ASXL2: variants seen among roughly 807,000 people sequenced by gnomAD.
ASXL2 encodes the protein putative Polycomb group protein ASXL2.
In ASXL2, 23 loss-of-function variants were observed where a neutral mutation model predicts 122.0. The ratio of observed to expected loss-of-function variants is 0.19; its 90% CI spans 0.14 to 0.27. The LOEUF is 0.27. ASXL2 is among the 10% of genes least tolerant of loss of function. The pLI is 1.00. For synonymous variants in ASXL2, 650 were observed against 637.0 expected (o/e 1.02, Z -0.31); for missense variants, 1,518 against 1,713.8 (o/e 0.89, Z 2.02).
At position 25,771,062 on chromosome 2, in the gene ASXL2, CCT is replaced by C. The variant is rs578048261; in HGVS notation, c.504+376_504+377del. Among the ~76,000 whole-genome samples, 7 of 152,098 alleles carry C rather than the reference CCT, an allele frequency of 4.6e-5. No homozygotes were observed. The South Asian group carries it at 1.5e-3, about 32-fold the overall frequency. Reference sequence around the variant, plus strand: ...ACCATCCTGGCCAACATGGTGAAACCCTGTCTCTACTAAAAATACAAAAATTA... The same window carrying C: ...ACCATCCTGGCCAACATGGTGAAACCGTCTCTACTAAAAATACAAAAATTA... On this transcript the variant is annotated intron_variant, in intron 6 of 12. Transcript: ENST00000435504.
At chr2:25,747,618 G>A (rs560530139) in intron 12 of ASXL2, among the ~76,000 whole-genome samples, 4 of 152,268 alleles carry the variant, frequency 2.6e-5, no homozygotes, top group Non-Finnish European at 5.9e-5. Context: ...ATGTAACCCA[G>A]CCTGTTTACA....
Position 25,741,014 on chromosome 2 carries a change from C to T in ASXL2, c.*1015G>A, listed in dbSNP as rs773706646. On this transcript the variant is annotated 3_prime_UTR_variant, in exon 13 of 13. Coordinates refer to ENST00000435504, the MANE Select transcript of ASXL2 (RefSeq NM_018263.6). ...TTGGGAGAGAAGAGGAAAAGAGAAGCGACCTTGTTCTAGTGTCAAAACTGT... is the reference window on the plus strand; with the variant it reads ...TTGGGAGAGAAGAGGAAAAGAGAAGTGACCTTGTTCTAGTGTCAAAACTGT... 3.6e-5 allele frequency: 7 copies of T among 192,482 alleles called. No individual in the cohort carries two copies. Among genetic ancestry groups the T allele is most frequent in the Non-Finnish European group, 6.5e-5 (6 of 92,282 alleles). 11.9% of individuals were successfully genotyped at this position (192,482 alleles called of 1,614,324 possible).
intron 3 of ASXL2, among the ~76,000 whole-genome samples, chr2:25,829,578 A>G (rs938074857): frequency 1.4e-4 from 21 of 152,220 alleles, no homozygotes; most frequent in Admixed American, 1.3e-3. Flanking sequence ...ACTTTGAACC[A>G]GAGTTACCAG....
At position 25,742,360 on chromosome 2, in the gene ASXL2, C is replaced by G; in HGVS notation, c.3977G>C (p.Ser1326Thr). Reference protein sequence around the residue: ...LYGSPTQIGPSYRGMINVSTS... With the variant: ...LYGSPTQIGPTYRGMINVSTS... ...GGAGACATTGATCATGCCTCTATAG[C>G]TTGGCCCTATCTGGGTGGGGCTTCC... Residue 1326 changes from serine to threonine, a missense_variant, in exon 13 of 13, where the codon AGC becomes ACC. Physicochemically the swap from Ser to Thr is moderately conservative, Grantham distance 58 (BLOSUM62 1). Around this residue, in one of 8 missense-constraint regions of ASXL2, gnomAD observed 831 missense variants for 833.1 expected, o/e 1.00. Coordinates refer to ENST00000435504, the MANE Select transcript of ASXL2 (RefSeq NM_018263.6). 6.7e-7 allele frequency: 1 copy of G among 1,483,030 alleles called. No individual in the cohort carries two copies. The highest frequency in any genetic ancestry group is 9.1e-7 in the Non-Finnish European group (1 of 1,104,906). The allele number at this position is 1,483,030 out of a possible 1,614,324, so 91.9% of individuals were successfully genotyped here. A position where few individuals can be genotyped will look rare whatever the true frequency, so the allele number is the denominator to read the frequency against.
intron 9 of ASXL2, among the ~76,000 whole-genome samples, chr2:25,756,969 C>T (rs1192995315): frequency 6.6e-6 from 1 of 152,176 alleles, no homozygotes; most frequent in Admixed American, 6.5e-5. Context: ...AGTTACTCCA[C>T]TATAAGCCAA....
At chr2:25,752,942 C>T (rs2088070322) in intron 11 of ASXL2, among the ~76,000 whole-genome samples, 1 of 150,278 alleles carries the variant, frequency 6.7e-6, no homozygotes, top group Non-Finnish European at 1.5e-5. Context: ...AAGAAAGGGA[C>T]TCTTAATTCA....
intron 3 of ASXL2, among the ~76,000 whole-genome samples, chr2:25,826,762 T>TTA (rs376835935): frequency 7.3e-5 from 5 of 68,092 alleles, no homozygotes; most frequent in African/African-American, 2.3e-4. Flanking sequence ...ACTTTCAAGG[T>TTA]AAAAAAAAAA....
Position 25,845,462 on chromosome 2 carries a change from A to G in ASXL2, c.140+19T>C. On this transcript the variant is annotated intron_variant, in intron 2 of 12. Transcript: ENST00000435504. ...GATCAAGTATTATAATTATTACTAAAAATATTTAAATAACTCACCTGATTT... is the reference window on the plus strand; with the variant it reads ...GATCAAGTATTATAATTATTACTAAGAATATTTAAATAACTCACCTGATTT... The G allele has an allele frequency of 7.1e-7, 1 of 1,399,024 alleles. No homozygotes were observed. Among genetic ancestry groups the G allele is most frequent in the Admixed American group, 2.7e-5 (1 of 36,938 alleles). 86.7% of individuals were successfully genotyped at this position (1,399,024 alleles called of 1,614,324 possible).
rs986161980 is a variant in ASXL2, at chr2:25,744,293, C to T, written c.2044G>A (p.Ala682Thr). Residue 682 changes from alanine to threonine, a missense_variant, in exon 13 of 13, where the codon GCA (alanine) becomes ACA (threonine). Coordinates refer to ENST00000435504, the MANE Select transcript of ASXL2 (RefSeq NM_018263.6). The surrounding 1 kb of genome is among the most constrained non-coding windows in gnomAD (Gnocchi z 4.7). Reference sequence around the variant, plus strand: ...ATGGTCCCTCCAACTGAGGCGGCTGCAGCAGCTGCGGCGGCAGCGGCAGCT... The same window carrying T: ...ATGGTCCCTCCAACTGAGGCGGCTGTAGCAGCTGCGGCGGCAGCGGCAGCT... ...AAAAAAAAAA[A>T]AASVGGTIPG... 11 of 1,611,272 alleles carry T rather than the reference C, an allele frequency of 6.8e-6. No individual in the cohort carries two copies. In the Middle Eastern group the frequency reaches 6.6e-4, roughly 97 times the overall value.
Position 25,744,410 on chromosome 2 carries a change from GAA to G in ASXL2, c.1925_1926del (p.Phe642SerfsTer6). The G allele has an allele frequency of 6.2e-7, 1 of 1,613,690 alleles. No individual in the cohort carries two copies. Among genetic ancestry groups the G allele is most frequent in the Non-Finnish European group, 8.5e-7 (1 of 1,179,840 alleles). On this transcript the variant is annotated frameshift_variant, in exon 13 of 13. Transcript: ENST00000435504. LOFTEE classifies it high-confidence loss of function. The surrounding 1 kb of genome is among the most constrained non-coding windows in gnomAD (Gnocchi z 4.7). ...HPSQVSPRARFPVSITSPNRT... is the reference protein window; with the variant it reads ...HPSQVSPRARXPVSITSPNRT... The stretch of plus-strand genomic sequence containing the variant: ...CTGTTAGGACTAGTGATGGAGACTG[GAA>G]AACGAGCCCTGGGAGAGACCTGCGA...
At chr2:25,746,718 C>A (rs546531441) in intron 12 of ASXL2, among the ~76,000 whole-genome samples, 1 of 152,192 alleles carries the variant, frequency 6.6e-6, no homozygotes, top group Admixed American at 6.5e-5. Context: ...TGAAAGGTTT[C>A]GATACCTAAA....
In ASXL2 at chr2:25,841,729, C is replaced by T. The variant is rs139970148; in HGVS notation, c.140+3752G>A. 8.9e-3 allele frequency among the ~76,000 whole-genome samples: 1,355 copies of T among 151,988 alleles called. 19 individuals carry two copies. Among genetic ancestry groups the T allele is most frequent in the Non-Finnish European group, 0.013 (882 of 67,998 alleles). On this transcript the variant is annotated intron_variant, in intron 2 of 12. Coordinates refer to ENST00000435504, the MANE Select transcript of ASXL2 (RefSeq NM_018263.6). Reference sequence around the variant, plus strand: ...TTGGGAGACCGAGGAGGGTGGATCACGAGGTCAGGAGATCGAGACCATCCT... The same window carrying T: ...TTGGGAGACCGAGGAGGGTGGATCATGAGGTCAGGAGATCGAGACCATCCT...
chr2:25,785,036 G>C (rs566707836), intron 5 of ASXL2, among the ~76,000 whole-genome samples: 1 of 152,264 alleles, frequency 6.6e-6, no homozygotes, highest in South Asian at 2.1e-4. Flanking sequence ...TTTTCCCCAA[G>C]TCAAGGAATT....
chr2:25,787,464 A>AT (rs1422340683), intron 5 of ASXL2, among the ~76,000 whole-genome samples: 1 of 152,206 alleles, frequency 6.6e-6, no homozygotes, highest in East Asian at 1.9e-4. Flanking sequence ...ATCATGGGTA[A>AT]TACAGTACTT....
In ASXL2 at chr2:25,738,469, T is replaced by C. The variant is rs959323859; in HGVS notation, c.*3560A>G. ...GCCAAGTTACTTACTTAGCACACAG[T>C]TGTAAGGAGATGGGGAGACTTTTCC... On this transcript the variant is annotated 3_prime_UTR_variant, in exon 13 of 13. Coordinates refer to ENST00000435504, the MANE Select transcript of ASXL2 (RefSeq NM_018263.6). The C allele has an allele frequency of 1.3e-5, 2 of 152,212 alleles. No individual in the cohort carries two copies. The highest frequency in any genetic ancestry group is 6.5e-5 in the Admixed American group (1 of 15,276). The allele number at this position is 152,212 out of a possible 1,614,324, so 9.4% of individuals were successfully genotyped here.
At chr2:25,837,587 C>T (rs2149189434) in intron 2 of ASXL2, among the ~76,000 whole-genome samples, 1 of 152,224 alleles carries the variant, frequency 6.6e-6, no homozygotes. Flanking sequence ...TACTGTGGCT[C>T]ACATCTGTAA....
chr2:25,868,027 C>G (rs983789365), intron 1 of ASXL2, among the ~76,000 whole-genome samples: 13 of 152,210 alleles, frequency 8.5e-5, no homozygotes, highest in African/African-American at 2.9e-4. Flanking sequence ...TAAAACAACA[C>G]AAATTTATCT....
chr2:25,781,955 C>CT lies in ASXL2; in HGVS notation c.404-10416_404-10415insA, dbSNP rs2088646689. On this transcript the variant is annotated intron_variant, in intron 5 of 12. Coordinates refer to ENST00000435504, the MANE Select transcript of ASXL2 (RefSeq NM_018263.6). ...AGGATAACAGGCGTGAGCCACCGCC[C>CT]GGGCTTTTTTCTTTTTTTTTTTTTT... is the stretch of plus-strand genomic sequence containing the variant. 1.1e-4 allele frequency among the ~76,000 whole-genome samples: 13 copies of CT among 117,714 alleles called. No individual in the cohort carries two copies. In the South Asian group the frequency reaches 3.5e-3, roughly 31 times the overall value. The allele number at this position is 117,714 out of a possible 152,430, so 77.2% of individuals were successfully genotyped here.
chr2:25,738,448 A>AGTTACTT lies in ASXL2; in HGVS notation c.*3574_*3580dup, dbSNP rs1252118124. ...TTGAGCTGAAAACTACCCTTGGCCA[A>AGTTACTT]GTTACTTACTTAGCACACAGTTGTA... On this transcript the variant is annotated 3_prime_UTR_variant, in exon 13 of 13. Coordinates refer to ENST00000435504, the MANE Select transcript of ASXL2 (RefSeq NM_018263.6). The AGTTACTT allele has an allele frequency of 3.9e-5, 6 of 152,260 alleles. No individual in the cohort carries two copies. The East Asian group carries it at 1.2e-3, about 29-fold the overall frequency. The allele number at this position is 152,260 out of a possible 1,614,324, so 9.4% of individuals were successfully genotyped here.
Sources: allele counts gnomAD v4.1 joint callset (sites outside exome capture counted in the v4.1 genomes callset), GRCh38; gene constraint gnomAD v4.1.1; regional missense constraint gnomAD v4.1.1; non-coding constraint Gnocchi (gnomAD v3.1); transcripts MANE v1.5; gene names NCBI Gene and HGNC (gene_info 2026-07-23, HGNC 2026-07-21).